Variants in GYG2 observed in about 807,000 individuals in gnomAD.
GYG2 encodes glycogenin-2.
In GYG2, 29 loss-of-function variants were observed where a neutral mutation model predicts 29.4. The observed-to-expected ratio is 0.99, with a 90% CI of 0.74 to 1.35. The LOEUF is 1.35. Among genes scored for constraint, GYG2 ranks in the 40% most tolerant of loss-of-function variants. GYG2 has a pLI of 0.00. For missense variants in GYG2, 370 were observed against 385.7 expected (o/e 0.96, Z 0.34); for synonymous variants, 167 against 172.3 (o/e 0.97, Z 0.24).
chrX:2,860,332 A>G (rs998366277), intron 7 of GYG2, among the ~76,000 whole-genome samples: 7 of 111,571 alleles, frequency 6.3e-5, no homozygotes, highest in African/African-American at 6.5e-5. Flanking sequence ...TCATCAGAGT[A>G]AGAGACACTC....
chrX:2,856,956 CATCTGTTTATCTATCTATCTATCTATCT>C (rs1473439425), intron 6 of GYG2, among the ~76,000 whole-genome samples: 2 of 101,571 alleles, frequency 2.0e-5, no homozygotes, highest in Admixed American at 1.1e-4. Flanking sequence ...TAGGCCTAGA[CATCTGTTTATCTATCTATCTATCTATCT>C]ATCTATCTAT....
At chrX:2,853,908 T>C (rs2087921163) in intron 3 of GYG2, 72 bp from the exon 4 acceptor site, 3 of 742,657 alleles carry the variant, frequency 4.0e-6, no homozygotes, top group Non-Finnish European at 6.2e-6. Flanking sequence ...AACAGCACCC[T>C]CTTGAAGGAG....
chrX:2,840,742 AGATGGAT>A (rs2087474556), intron 2 of GYG2, among the ~76,000 whole-genome samples: 1 of 110,724 alleles, frequency 9.0e-6, no homozygotes, highest in Non-Finnish European at 1.9e-5. Context: ...TGATGGAGAT[AGATGGAT>A]GATAGATGAT....
chrX:2,847,271 T>A (rs1032541970), intron 3 of GYG2, among the ~76,000 whole-genome samples: 2 of 111,618 alleles, frequency 1.8e-5, no homozygotes, highest in African/African-American at 6.5e-5. Context: ...AAATAAATAG[T>A]GCTTACACTA....
intron 8 of GYG2, among the ~76,000 whole-genome samples, chrX:2,873,927 G>A (rs774428082): frequency 1.8e-5 from 2 of 109,250 alleles, no homozygotes; most frequent in Admixed American, 9.9e-5. Context: ...CCATCTCTAC[G>A]AAAAAATACA....
rs773166277 is a variant in GYG2, at chrX:2,861,492, G to A, written c.838-30G>A. Reference sequence around the variant, plus strand: ...AGGTGAATTGAGGAGACATAGGGAAGACTCACTCCACGTGTGTGTTTTTGT... The same window carrying A: ...AGGTGAATTGAGGAGACATAGGGAAAACTCACTCCACGTGTGTGTTTTTGT... On this transcript the variant is annotated intron_variant, in intron 7 of 10. Transcript: ENST00000398806. 3 of 1,140,836 alleles carry A rather than the reference G, an allele frequency of 2.6e-6. No individual in the cohort carries two copies. The East Asian group carries it at 9.0e-5, about 34-fold the overall frequency. 94.0% of individuals were successfully genotyped at this position (1,140,836 alleles called of 1,213,427 possible).
In GYG2 at chrX:2,855,122, C is replaced by A; in HGVS notation, c.454C>A (p.Leu152Ile). 1 of 1,211,408 alleles carries A rather than the reference C, an allele frequency of 8.3e-7. No individual in the cohort carries two copies. Among genetic ancestry groups the A allele is most frequent in the Non-Finnish European group, 1.1e-6 (1 of 895,148 alleles). The change falls in exon 5 of 11, where the codon CTA (leucine) becomes ATA (isoleucine). Residue 152 changes from leucine (L) to isoleucine (I), a missense_variant. Transcript: ENST00000398806. ...QPSLHTHKLLLQHAMEHGSFD... is the reference protein window; with the variant it reads ...QPSLHTHKLLIQHAMEHGSFD... ...TTCTCTCCACACGCATAAACTCCTG[C>A]TACAGCACGCCATGGAACACGGCAG...
At position 2,861,657 on chromosome X, in the gene GYG2, C is replaced by T. The variant is rs938209451; in HGVS notation, c.973C>T (p.Leu325Phe). The change falls in exon 8 of 11, where the codon CTT becomes TTT. Residue 325 changes from leucine to phenylalanine, a missense_variant. By Grantham distance (22) the Leu-to-Phe change is conservative. Transcript: ENST00000398806. ...GGGTTCTAACCAGCCTGCTCAGGGCCTTCCGGAGCCGACCCAGATAGTGGA... is the reference window on the plus strand; with the variant it reads ...GGGTTCTAACCAGCCTGCTCAGGGCTTTCCGGAGCCGACCCAGATAGTGGA... Reference protein sequence around the residue: ...PLGSNQPAQGLPEPTQIVDET... With the variant: ...PLGSNQPAQGFPEPTQIVDET... 5.0e-6 allele frequency: 6 copies of T among 1,203,762 alleles called. No homozygotes were observed. In the Admixed American group the frequency reaches 1.1e-4, roughly 22 times the overall value.
At chrX:2,843,779 G>T (rs2087559659) in intron 3 of GYG2, among the ~76,000 whole-genome samples, 1 of 111,081 alleles carries the variant, frequency 9.0e-6, no homozygotes, top group Non-Finnish European at 1.9e-5. Flanking sequence ...ACAAGTATGT[G>T]CCCCCATGCT....
At chrX:2,833,619 C>T (rs1377421946) in intron 2 of GYG2, among the ~76,000 whole-genome samples, 2 of 111,709 alleles carry the variant, frequency 1.8e-5, no homozygotes, top group Admixed American at 9.5e-5. Flanking sequence ...ATAGTTGTCA[C>T]TCACGTCCTG....
intron 8 of GYG2, among the ~76,000 whole-genome samples, chrX:2,872,361 A>T (rs2088491976): frequency 9.1e-6 from 1 of 109,866 alleles, no homozygotes; most frequent in Non-Finnish European, 1.9e-5. Flanking sequence ...ATGATATGCA[A>T]GGGGGAAGTG....
At chrX:2,863,953 T>C (rs1016908079) in intron 8 of GYG2, among the ~76,000 whole-genome samples, 1 of 111,888 alleles carries the variant, frequency 8.9e-6, no homozygotes, top group African/African-American at 3.2e-5. Context: ...ATTAAATGTT[T>C]AGTAGGCAAC....
At chrX:2,864,882 C>T (rs2088262529) in intron 8 of GYG2, among the ~76,000 whole-genome samples, 1 of 110,327 alleles carries the variant, frequency 9.1e-6, no homozygotes, top group Non-Finnish European at 1.9e-5. Context: ...CCTGCCTCAG[C>T]CTCCTGAGTA....
At chrX:2,876,561 G>A (rs2088604403) in intron 9 of GYG2, among the ~76,000 whole-genome samples, 1 of 111,622 alleles carries the variant, frequency 9.0e-6, no homozygotes, top group Admixed American at 9.5e-5. Context: ...GAGACTTGGT[G>A]GATGGCTCAG....
intron 2 of GYG2, among the ~76,000 whole-genome samples, chrX:2,831,582 G>A (rs2087264684): frequency 9.0e-6 from 1 of 111,714 alleles, no homozygotes; most frequent in Non-Finnish European, 1.9e-5. Context: ...CTAGGGACGC[G>A]TTTGGAGCTC....
chrX:2,843,928 C>G (rs1255630041), intron 3 of GYG2, among the ~76,000 whole-genome samples: 3 of 112,605 alleles, frequency 2.7e-5, no homozygotes, highest in Non-Finnish European at 3.7e-5. Context: ...AGGCATGAAC[C>G]ATGGCACCCA....
chrX:2,847,771 A>G (rs2147179354), intron 3 of GYG2, among the ~76,000 whole-genome samples: 1 of 111,136 alleles, frequency 9.0e-6, no homozygotes, highest in African/African-American at 3.2e-5. Context: ...GATTATAAAT[A>G]TAGAGGTAAA....
intron 9 of GYG2, among the ~76,000 whole-genome samples, chrX:2,876,336 C>G (rs187433080): frequency 9.0e-6 from 1 of 110,721 alleles, no homozygotes; most frequent in East Asian, 2.8e-4. Context: ...TATTTTAATT[C>G]TTTTTTTCTC....
At chrX:2,834,838 A>G (rs2087340172) in intron 2 of GYG2, among the ~76,000 whole-genome samples, 1 of 111,815 alleles carries the variant, frequency 8.9e-6, no homozygotes, top group African/African-American at 3.2e-5. Flanking sequence ...CATAAAACTC[A>G]TGTCCCCCCA....
Sources: gnomAD v4.1 joint callset for allele counts (sites outside exome capture counted in the v4.1 genomes callset) on GRCh38, gnomAD v4.1.1 for gene constraint, MANE v1.5 for transcripts, NCBI Gene and HGNC (gene_info 2026-07-23, HGNC 2026-07-21) for gene names.